The following NRG3 variants were observed in gnomAD, a reference collection of about 807,000 sequenced individuals.
The protein encoded by NRG3 is neuregulin 3, also known as pro-neuregulin-3, membrane-bound isoform.
Under a neutral mutation model 66.9 loss-of-function variants are expected in NRG3, and 31 were observed. The observed-to-expected ratio is 0.46, with a 90% CI of 0.35 to 0.63. The LOEUF (loss-of-function observed/expected upper bound fraction) is 0.63, where lower values mean the gene tolerates loss of function less well. Among genes scored for constraint, NRG3 ranks in the 20% least tolerant of loss-of-function variants. The probability of loss-of-function intolerance (pLI) is 0.00; values close to 1 mark genes in which losing one functional copy is unlikely to be tolerated. For synonymous variants in NRG3, 393 were observed against 359.4 expected (o/e 1.09, Z -1.06); for missense variants, 910 against 878.9 (o/e 1.04, Z -0.45).
At chr10:82,891,894 T>G (rs1259534641) in intron 4 of NRG3, among the ~76,000 whole-genome samples, 3 of 152,134 alleles carry the variant, frequency 2.0e-5, no homozygotes, top group Admixed American at 6.5e-5. Flanking sequence ...AATTATGATT[T>G]TGCTTAAGGC....
intron 1 of NRG3, among the ~76,000 whole-genome samples, chr10:81,892,267 T>G (rs921005124): frequency 2.0e-5 from 3 of 152,070 alleles, no homozygotes; most frequent in African/African-American, 7.2e-5. Context: ...TGTAAATATA[T>G]ACATATATGT....
chr10:82,122,444 T>G (rs926317432), intron 1 of NRG3, among the ~76,000 whole-genome samples: 9 of 152,162 alleles, frequency 5.9e-5, no homozygotes, highest in African/African-American at 2.2e-4. Flanking sequence ...CCGTAGTTTG[T>G]CTTCACAGAT....
At chr10:82,907,961 T>G (rs1033920192) in intron 4 of NRG3, among the ~76,000 whole-genome samples, 2 of 152,226 alleles carry the variant, frequency 1.3e-5, no homozygotes, top group African/African-American at 4.8e-5. Context: ...ACTAGATATT[T>G]ACCCGTGGGA....
intron 2 of NRG3, among the ~76,000 whole-genome samples, chr10:82,710,586 C>CAAAAA (rs59857324): frequency 1.8e-4 from 13 of 73,750 alleles, no homozygotes; most frequent in African/African-American, 3.2e-4. Context: ...GACTCCATCT[C>CAAAAA]AAAAAAAAAA....
At chr10:82,572,281 T>C (rs1171839544) in intron 2 of NRG3, among the ~76,000 whole-genome samples, 1 of 151,684 alleles carries the variant, frequency 6.6e-6, no homozygotes, top group East Asian at 1.9e-4. Context: ...AATTCTGCTA[T>C]CAGGAAGTTC....
intron 5 of NRG3, among the ~76,000 whole-genome samples, chr10:82,954,169 G>C (rs1254444627): frequency 6.6e-6 from 1 of 151,890 alleles, no homozygotes; most frequent in East Asian, 1.9e-4. Flanking sequence ...CTCCCTGCTA[G>C]AGCTTTGTAC....
At chr10:82,815,979 A>G (rs908233151) in intron 3 of NRG3, among the ~76,000 whole-genome samples, 5 of 152,184 alleles carry the variant, frequency 3.3e-5, no homozygotes, top group Admixed American at 2.0e-4. Context: ...CATGTGGTAC[A>G]TGTGGCATGG....
intron 8 of NRG3, among the ~76,000 whole-genome samples, chr10:82,981,127 C>T (rs551011685): frequency 1.3e-5 from 2 of 152,180 alleles, no homozygotes; most frequent in South Asian, 4.1e-4. Context: ...GGAGCCTGTG[C>T]CAGGCTCAAG....
intron 1 of NRG3, among the ~76,000 whole-genome samples, chr10:82,146,409 G>A (rs1018201790): frequency 1.3e-5 from 2 of 152,076 alleles, no homozygotes; most frequent in Non-Finnish European, 2.9e-5. Context: ...ATCGTCTCTA[G>A]TAAGCAAGCC....
chr10:82,225,559 A>G (rs1270377808), intron 1 of NRG3: 1 of 152,152 alleles, frequency 6.6e-6, no homozygotes, highest in Admixed American at 6.6e-5. Context: ...CATGAGTAAC[A>G]CAAAAGCACT....
chr10:82,107,042 A>G (rs1180303274), intron 1 of NRG3, among the ~76,000 whole-genome samples: 1 of 152,204 alleles, frequency 6.6e-6, no homozygotes, highest in Non-Finnish European at 1.5e-5. Flanking sequence ...ACATTATTCA[A>G]AGCCATACAA....
At chr10:82,710,167 T>A (rs2056568665) in intron 2 of NRG3, among the ~76,000 whole-genome samples, 1 of 152,248 alleles carries the variant, frequency 6.6e-6, no homozygotes, top group East Asian at 1.9e-4. Flanking sequence ...GTTCCTTTGT[T>A]GGACATATAG....
chr10:82,209,405 TA>T (rs1350292565), intron 1 of NRG3, among the ~76,000 whole-genome samples: 4 of 152,210 alleles, frequency 2.6e-5, no homozygotes, highest in Non-Finnish European at 5.9e-5. Context: ...CTTGTCCAAT[TA>T]AATTCGTTTG....
intron 3 of NRG3, among the ~76,000 whole-genome samples, chr10:82,832,905 T>C (rs959424035): frequency 2.0e-5 from 3 of 151,896 alleles, no homozygotes; most frequent in Admixed American, 2.0e-4. Context: ...AGTACAATGG[T>C]CTTACAACTT....
chr10:82,417,215 A>G (rs1228256414), intron 2 of NRG3, among the ~76,000 whole-genome samples: 3 of 152,220 alleles, frequency 2.0e-5, no homozygotes, highest in Non-Finnish European at 2.9e-5. Flanking sequence ...CTCTGAAAAT[A>G]TGAATAAAAG....
intron 2 of NRG3, among the ~76,000 whole-genome samples, chr10:82,643,472 G>A (rs1429317211): frequency 6.6e-6 from 1 of 151,920 alleles, no homozygotes; most frequent in Middle Eastern, 3.4e-3. Flanking sequence ...CCCAGGCTCG[G>A]GTATGTATTT....
chr10:82,681,538 A>C (rs2134124193), intron 2 of NRG3, among the ~76,000 whole-genome samples: 1 of 152,344 alleles, frequency 6.6e-6, no homozygotes, highest in African/African-American at 2.4e-5. Context: ...TGGCAGAAAC[A>C]CCAGTGCTTT....
chr10:82,534,823 G>A (rs1171375129), intron 2 of NRG3, among the ~76,000 whole-genome samples: 1 of 151,834 alleles, frequency 6.6e-6, no homozygotes, highest in Non-Finnish European at 1.5e-5. Context: ...AATGGAGAAA[G>A]GATAGTCTCT....
chr10:82,934,134 CTT>C (rs1564643230), intron 4 of NRG3, among the ~76,000 whole-genome samples: 2 of 152,180 alleles, frequency 1.3e-5, no homozygotes, highest in South Asian at 2.1e-4. Context: ...AAAAGATAGA[CTT>C]AATGCAGCTT....
Sources: gnomAD v4.1 joint callset for allele counts (sites outside exome capture counted in the v4.1 genomes callset) on GRCh38, gnomAD v4.1.1 for gene constraint, MANE v1.5 for transcripts, NCBI Gene and HGNC (gene_info 2026-07-23, HGNC 2026-07-21) for gene names.